MICU2: variants seen among roughly 807,000 people sequenced by gnomAD.
MICU2 encodes the protein calcium uptake protein 2, mitochondrial.
MICU2 carries 64 observed loss-of-function variants against 60.4 expected under a neutral mutation model. The observed-to-expected ratio is 1.06, with a 90% confidence interval of 0.87 to 1.31. The LOEUF is 1.31. Among genes scored for constraint, MICU2 ranks in the 50% most tolerant of loss-of-function variants. MICU2 has a pLI of 0.00. For missense variants in MICU2, 569 were observed against 531.0 expected, an observed-to-expected ratio of 1.07 and a Z score of -0.70; for synonymous variants, 201 against 175.0, an observed-to-expected ratio of 1.15 and a Z score of -1.17.
At chr13:21,569,484 C>T (rs1205979206) in intron 1 of MICU2, among the ~76,000 whole-genome samples, 1 of 152,056 alleles carries the variant, frequency 6.6e-6, no homozygotes, top group Non-Finnish European at 1.5e-5. Flanking sequence ...AGGAAATATG[C>T]AGAGGAAGCC....
chr13:21,537,630 T>A (rs1162880144), intron 4 of MICU2, among the ~76,000 whole-genome samples: 1 of 151,964 alleles, frequency 6.6e-6, no homozygotes, highest in African/African-American at 2.4e-5. Flanking sequence ...CCACCATGCC[T>A]GGCTAATTTT....
intron 1 of MICU2, among the ~76,000 whole-genome samples, chr13:21,600,619 TTATC>T (rs1888791895): frequency 6.6e-6 from 1 of 152,280 alleles, no homozygotes; most frequent in Admixed American, 6.5e-5. Flanking sequence ...AGGTTCCAAT[TTATC>T]TACTGTTTCA....
intron 1 of MICU2, among the ~76,000 whole-genome samples, chr13:21,571,601 A>G (rs9509801): frequency 0.95 from 143,997 of 152,290 alleles, 68,239 homozygotes; most frequent in East Asian, 1. Context: ...GGGAGGCTGA[A>G]GCAGGAGAAT....
chr13:21,550,362 CCTCT>C (rs1887525766), intron 2 of MICU2, among the ~76,000 whole-genome samples: 2 of 152,038 alleles, frequency 1.3e-5, no homozygotes, highest in Non-Finnish European at 1.5e-5. Flanking sequence ...CCAAGCAAAA[CCTCT>C]CTCTCTACAA....
chr13:21,549,130 C>T (rs374492714), intron 2 of MICU2, among the ~76,000 whole-genome samples: 207 of 151,824 alleles, frequency 1.4e-3, no homozygotes, highest in Middle Eastern at 3.4e-3. Flanking sequence ...GGGGTTTCAC[C>T]GTGTTAGCCA....
rs1199561269 is a variant in MICU2, at chr13:21,574,592, G to T, written c.211-7648C>A. On this transcript the variant is annotated intron_variant, in intron 1 of 11. Transcript: ENST00000382374. ...ACATATTGGAAAAAGTTAGTTCTCT[G>T]TTCTTTGTTTAACATTCTTTGGTCT... 2.6e-5 allele frequency among the ~76,000 whole-genome samples: 4 copies of T among 152,176 alleles called. No homozygotes were observed. In the East Asian group the frequency reaches 7.7e-4, roughly 29 times the overall value.
At chr13:21,565,688 C>T (rs1321869915) in intron 2 of MICU2, among the ~76,000 whole-genome samples, 1 of 151,562 alleles carries the variant, frequency 6.6e-6, no homozygotes, top group Non-Finnish European at 1.5e-5. Context: ...CAAAAATTAG[C>T]CAGGCATGGT....
intron 2 of MICU2, among the ~76,000 whole-genome samples, chr13:21,547,399 C>T (rs9506703): frequency 6.6e-6 from 1 of 152,194 alleles, no homozygotes. Flanking sequence ...CACATATCCT[C>T]TGTGAAATCT....
chr13:21,587,239 A>AC (rs1888479520), intron 1 of MICU2, among the ~76,000 whole-genome samples: 1 of 152,224 alleles, frequency 6.6e-6, no homozygotes, highest in East Asian at 1.9e-4. Context: ...GAGTCCGTAG[A>AC]TATAAATGAA....
chr13:21,513,220 ATAGGCCTTTT>A (rs992919473), intron 7 of MICU2, among the ~76,000 whole-genome samples: 2 of 152,074 alleles, frequency 1.3e-5, no homozygotes, highest in Admixed American at 1.3e-4. Context: ...TTTCCAATCA[ATAGGCCTTTT>A]ATTTCCTTGT....
At chr13:21,559,013 A>G (rs772390076) in intron 2 of MICU2, among the ~76,000 whole-genome samples, 3 of 152,214 alleles carry the variant, frequency 2.0e-5, no homozygotes, top group Admixed American at 6.5e-5. Context: ...TCCATTCAAC[A>G]AACTGGGACA....
At chr13:21,582,830 G>A (rs1006360200) in intron 1 of MICU2, 1 of 155,012 alleles carries the variant, frequency 6.5e-6, no homozygotes, top group Non-Finnish European at 1.4e-5. Flanking sequence ...ACGTGCATCA[G>A]GGGTAAGAAC....
chr13:21,579,423 C>T (rs1436691144), intron 1 of MICU2, among the ~76,000 whole-genome samples: 1 of 151,634 alleles, frequency 6.6e-6, no homozygotes, highest in Non-Finnish European at 1.5e-5. Context: ...TCACTGCGAC[C>T]TCTGCCTCGT....
intron 1 of MICU2, among the ~76,000 whole-genome samples, chr13:21,583,579 T>A (rs964585716): frequency 1.5e-4 from 23 of 152,210 alleles, no homozygotes; most frequent in African/African-American, 5.5e-4. Context: ...TAAATGAGCC[T>A]TTGGGAAGTG....
intron 1 of MICU2, among the ~76,000 whole-genome samples, chr13:21,581,262 C>T (rs1024056925): frequency 6.6e-6 from 1 of 152,110 alleles, no homozygotes; most frequent in African/African-American, 2.4e-5. Flanking sequence ...GGATTACAGG[C>T]ATGCACCACC....
chr13:21,534,662 G>T (rs2138186352), intron 4 of MICU2, among the ~76,000 whole-genome samples: 1 of 152,224 alleles, frequency 6.6e-6, no homozygotes, highest in South Asian at 2.1e-4. Context: ...AATAGATCAG[G>T]ATAATTTGTA....
At chr13:21,553,946 T>C (rs1486219752) in intron 2 of MICU2, among the ~76,000 whole-genome samples, 1 of 152,134 alleles carries the variant, frequency 6.6e-6, no homozygotes, top group Non-Finnish European at 1.5e-5. Flanking sequence ...GGCCATTACA[T>C]AATGGTAAAG....
intron 1 of MICU2, among the ~76,000 whole-genome samples, chr13:21,577,069 T>A (rs1004069407): frequency 6.6e-6 from 1 of 152,228 alleles, no homozygotes; most frequent in African/African-American, 2.4e-5. Context: ...TATTTCTGAA[T>A]TGGTCTTTGT....
intron 7 of MICU2, among the ~76,000 whole-genome samples, chr13:21,512,252 T>A (rs930560938): frequency 1.3e-5 from 2 of 152,190 alleles, no homozygotes; most frequent in African/African-American, 4.8e-5. Flanking sequence ...CTATTTTCTT[T>A]GGAGAAATAT....
Sources: gnomAD v4.1 joint callset for allele counts (sites outside exome capture counted in the v4.1 genomes callset) on GRCh38, gnomAD v4.1.1 for gene constraint, MANE v1.5 for transcripts, NCBI Gene and HGNC (gene_info 2026-07-23, HGNC 2026-07-21) for gene names.